The following MAP4 variants were observed in gnomAD, a reference collection of about 807,000 sequenced individuals.
MAP4 encodes microtubule associated protein 4.
MAP4 carries 76 observed loss-of-function variants against 170.2 expected under a neutral mutation model. The ratio of observed to expected loss-of-function variants is 0.45; its 90% CI spans 0.37 to 0.54. MAP4 has a LOEUF of 0.54. MAP4 is among the 20% of genes least tolerant of loss of function. The pLI is 0.00. For synonymous variants in MAP4, 909 were observed against 994.5 expected, an observed-to-expected ratio of 0.91 and a Z score of 1.62; for missense variants, 2,506 against 2,748.0, an observed-to-expected ratio of 0.91 and a Z score of 1.97.
rs1470270466 is a variant in MAP4 at position 47,911,578 on chromosome 3, C to A, written c.2843G>T (p.Cys948Phe). 6.5e-7 allele frequency: 1 copy of A among 1,536,086 alleles called. No homozygotes were observed. Among genetic ancestry groups the A allele is most frequent in the South Asian group, 1.2e-5 (1 of 84,060 alleles). Residue 948 changes from cysteine to phenylalanine, a missense_variant, in exon 9 of 21, where the codon TGC (cysteine) becomes TTC (phenylalanine). Physicochemically the swap from Cys to Phe is radical, Grantham distance 205 (BLOSUM62 -2). This residue lies in a region of MAP4 where 2,008 missense variants were observed against 2,206.0 expected (regional missense o/e 0.91). Coordinates refer to ENST00000683076, the MANE Select transcript of MAP4 (RefSeq NM_001385682.1). The surrounding 1 kb of genome is among the most constrained non-coding windows in gnomAD (Gnocchi z 4.0). ...AACCTCTTGGTCCAAGAAAGGAGAG[C>A]AACCCTCTTTAAGTCTGATATCCAA... ...TPLDIRLKEGCSPFLDQEVMG... is the reference protein window; with the variant it reads ...TPLDIRLKEGFSPFLDQEVMG...
intron 1 of MAP4, among the ~76,000 whole-genome samples, chr3:48,004,444 T>C (rs2100101109): frequency 6.6e-6 from 1 of 152,238 alleles, no homozygotes; most frequent in African/African-American, 2.4e-5. Flanking sequence ...GGTTGGTTGC[T>C]CCTAAGTTCA....
chr3:47,974,754 A>G (rs960562838), intron 3 of MAP4: 5 of 978,966 alleles, frequency 5.1e-6, no homozygotes, highest in Non-Finnish European at 6.1e-6. Flanking sequence ...GATTGTTAAG[A>G]GTCCGTCTCC....
chr3:47,917,296 A>G, intron 6 of MAP4, 122 bp from the exon 7 acceptor site: 1 of 794,560 alleles, frequency 1.3e-6, no homozygotes, highest in South Asian at 1.7e-5. Flanking sequence ...ATAACTAAGA[A>G]TTAATGTTAG....
chr3:47,900,474 T>C (rs1193290867), intron 10 of MAP4, among the ~76,000 whole-genome samples: 1 of 152,164 alleles, frequency 6.6e-6, no homozygotes, highest in Admixed American at 6.5e-5. Flanking sequence ...GCATGGTAGC[T>C]AAGGCCTGTA....
At chr3:47,964,847 G>A (rs2154189649) in intron 3 of MAP4, among the ~76,000 whole-genome samples, 1 of 152,202 alleles carries the variant, frequency 6.6e-6, no homozygotes, top group South Asian at 2.1e-4. Context: ...TTAAATATGA[G>A]CTGCATTTGT....
At chr3:48,083,031 G>C (rs2100147365) in intron 1 of MAP4, among the ~76,000 whole-genome samples, 2 of 152,088 alleles carry the variant, frequency 1.3e-5, no homozygotes, top group South Asian at 4.1e-4. Flanking sequence ...GAGAGACTAA[G>C]AAACTGTCAC....
At chr3:47,867,611 C>T (rs894541798) in intron 16 of MAP4, among the ~76,000 whole-genome samples, 13 of 152,218 alleles carry the variant, frequency 8.5e-5, no homozygotes, top group African/African-American at 1.2e-4. Context: ...CCTTTGGGGG[C>T]GGGGTTGTGG....
intron 1 of MAP4, among the ~76,000 whole-genome samples, chr3:48,049,239 C>T (rs1470223857): frequency 3.3e-5 from 5 of 152,182 alleles, no homozygotes; most frequent in African/African-American, 1.2e-4. Flanking sequence ...CAGTTACGTA[C>T]AAGTTTTTAA....
intron 1 of MAP4, among the ~76,000 whole-genome samples, chr3:48,057,649 A>G (rs1468948127): frequency 1.3e-5 from 2 of 150,010 alleles, no homozygotes; most frequent in Non-Finnish European, 3.0e-5. Flanking sequence ...AAAAAAAGAA[A>G]AAAAAAAAAA....
chr3:48,011,841 T>G (rs1030007784), intron 1 of MAP4, among the ~76,000 whole-genome samples: 6 of 152,170 alleles, frequency 3.9e-5, no homozygotes, highest in African/African-American at 1.4e-4. Context: ...ACAACTATTA[T>G]TAGTAGTTAT....
At chr3:47,964,262 G>A (rs2100073461) in intron 3 of MAP4, among the ~76,000 whole-genome samples, 1 of 152,206 alleles carries the variant, frequency 6.6e-6, no homozygotes, top group Admixed American at 6.5e-5. Context: ...TGGAAGCAGA[G>A]AGACTAATTT....
Position 47,852,847 on chromosome 3 carries a change from C to CCA in MAP4, c.*85_*86dup. 1.3e-6 allele frequency: 2 copies of CCA among 1,558,752 alleles called. No homozygotes were observed. Among genetic ancestry groups the CCA allele is most frequent in the Non-Finnish European group, 1.7e-6 (2 of 1,151,288 alleles). Reference sequence around the variant, plus strand: ...GACCCGGGAGCCCGAGTTGGGGCCGCCAGGGAAGTGTGGGGGGCGGGAGAC... The same window carrying CCA: ...GACCCGGGAGCCCGAGTTGGGGCCGCCACAGGGAAGTGTGGGGGGCGGGAGAC... On this transcript the variant is annotated 3_prime_UTR_variant, in exon 21 of 21. Transcript: ENST00000683076.
chr3:48,078,103 G>C (rs577495116), intron 1 of MAP4, among the ~76,000 whole-genome samples: 1 of 152,142 alleles, frequency 6.6e-6, no homozygotes, highest in Non-Finnish European at 1.5e-5. Flanking sequence ...AATGGTGGTA[G>C]TTGCACAACA....
chr3:48,063,880 T>TGCC, intron 1 of MAP4, among the ~76,000 whole-genome samples: 1 of 152,280 alleles, frequency 6.6e-6, no homozygotes, highest in East Asian at 1.9e-4. Context: ...ACAGGGGATT[T>TGCC]TTAGGGCAGT....
intron 1 of MAP4, among the ~76,000 whole-genome samples, chr3:48,009,672 T>G (rs1046141954): frequency 2.6e-5 from 4 of 152,072 alleles, no homozygotes; most frequent in Non-Finnish European, 5.9e-5. Flanking sequence ...TGAATCAGCG[T>G]CCAATATAAG....
At chr3:47,918,970 C>T in intron 5 of MAP4, 129 bp from the exon 6 acceptor site, 1 of 664,424 alleles carries the variant, frequency 1.5e-6, no homozygotes, top group East Asian at 3.6e-5. Context: ...GCTCTGTTGC[C>T]CACGCAGACA....
chr3:47,987,894 G>A (rs768785742), intron 2 of MAP4, among the ~76,000 whole-genome samples: 19 of 151,990 alleles, frequency 1.3e-4, no homozygotes, highest in East Asian at 3.9e-4. Flanking sequence ...TAGTAGAAAC[G>A]TCTCTTTAAA....
rs1209719820 is a variant in MAP4, at chr3:47,994,192, A to G, written c.223+4446T>C. ...AAGCCAGGCACAGTGGCTCACACCT[A>G]TAATCCCAGCACAAAAGAAAAACAA... On this transcript the variant is annotated intron_variant, in intron 2 of 20. Coordinates refer to ENST00000683076, the MANE Select transcript of MAP4 (RefSeq NM_001385682.1). Among the ~76,000 whole-genome samples, 4 of 152,174 alleles carry G rather than the reference A, an allele frequency of 2.6e-5. No individual in the cohort carries two copies. In the East Asian group the frequency reaches 7.7e-4, roughly 29 times the overall value.
chr3:48,039,807 T>C (rs2100120700), intron 1 of MAP4, among the ~76,000 whole-genome samples: 1 of 152,238 alleles, frequency 6.6e-6, no homozygotes, highest in African/African-American at 2.4e-5. Flanking sequence ...TTAAACAAAG[T>C]ATCTGCAAGA....
Sources: gnomAD v4.1 joint callset for allele counts (sites outside exome capture counted in the v4.1 genomes callset) on GRCh38, gnomAD v4.1.1 for gene constraint, gnomAD v4.1.1 regional missense constraint, Gnocchi (gnomAD v3.1) non-coding constraint, MANE v1.5 for transcripts, NCBI Gene and HGNC (gene_info 2026-07-23, HGNC 2026-07-21) for gene names.